Variants in SCN1A observed in about 807,000 individuals in gnomAD.
SCN1A encodes the protein sodium channel protein type 1 subunit alpha.
Under a neutral mutation model 193.7 loss-of-function variants are expected in SCN1A, and 13 were observed. The observed-to-expected ratio is 0.07, with a 90% confidence interval of 0.04 to 0.11. The LOEUF (loss-of-function observed/expected upper bound fraction) is 0.11. SCN1A is among the 10% of genes least tolerant of loss of function. SCN1A has a pLI of 1.00. For synonymous variants in SCN1A, 781 were observed against 843.6 expected (o/e 0.93, Z 1.29); for missense variants, 1,432 against 2,451.1 (o/e 0.58, Z 8.78).
intron 18 of SCN1A, among the ~76,000 whole-genome samples, chr2:166,037,362 G>A (rs1029814240): frequency 1.3e-5 from 2 of 152,120 alleles, no homozygotes; most frequent in Non-Finnish European, 2.9e-5. Flanking sequence ...AGTCTGGATG[G>A]TAATTTTGCA....
At position 166,045,097 on chromosome 2, in the gene SCN1A, G is replaced by A. The variant is rs1351109657; in HGVS notation, c.1608C>T (p.Phe536=). Residue 536 remains phenylalanine, a synonymous_variant, in exon 13 of 29, where the codon TTC becomes TTT. Transcript: ENST00000674923. ...ATGTCAATCGGTTCCCTTCAATGGA[G>A]AAGCGAAAACCTTTCCTCCTGATGC... ...EDSIRRKGFR[F]SIEGNRLTYE... 2 of 1,614,078 alleles carry A rather than the reference G, an allele frequency of 1.2e-6. No homozygotes were observed. The highest frequency in any genetic ancestry group is 3.3e-5 in the Admixed American group (2 of 60,006).
intron 1 of SCN1A, among the ~76,000 whole-genome samples, chr2:166,146,296 G>A (rs1035577544): frequency 6.6e-6 from 1 of 152,084 alleles, no homozygotes; most frequent in African/African-American, 2.4e-5. Flanking sequence ...GTGCAAACAG[G>A]TCCCACCTTA....
intron 19 of SCN1A, among the ~76,000 whole-genome samples, chr2:166,033,622 A>G (rs1038153809): frequency 6.6e-6 from 1 of 152,228 alleles, no homozygotes; most frequent in Non-Finnish European, 1.5e-5. Context: ...CTTAACATTT[A>G]AAATTTCAAT....
chr2:166,031,858 G>A (rs76251066), intron 19 of SCN1A, among the ~76,000 whole-genome samples: 5,010 of 152,170 alleles, frequency 0.033, 119 homozygotes, highest in Non-Finnish European at 0.05. Flanking sequence ...TATTAGATAG[G>A]TAAAGTCACA....
chr2:166,008,516 G>A (rs867347126), intron 23 of SCN1A, among the ~76,000 whole-genome samples: 1 of 150,998 alleles, frequency 6.6e-6, no homozygotes, highest in Non-Finnish European at 1.5e-5. Flanking sequence ...ACACCCCAGA[G>A]ATAATTTCTG....
Position 166,012,497 on chromosome 2 carries a change from A to G in SCN1A, c.3706-215T>C, listed in dbSNP as rs371474814. Among the ~76,000 whole-genome samples the G allele has an allele frequency of 7.3e-5, 11 of 151,138 alleles. No homozygotes were observed. The Middle Eastern group carries it at 0.01, about 140-fold the overall frequency. ...GAAGAAAAAGAAAAGTATGATTCCAATGAATTAATTTGACTTAGTCAGGAA... is the reference window on the plus strand; with the variant it reads ...GAAGAAAAAGAAAAGTATGATTCCAGTGAATTAATTTGACTTAGTCAGGAA... On this transcript the variant is annotated intron_variant, in intron 21 of 28. Coordinates refer to ENST00000674923, the MANE Select transcript of SCN1A (RefSeq NM_001165963.4).
intron 6 of SCN1A, 90 bp from the exon 7 acceptor site, chr2:166,054,856 A>C: frequency 8.4e-7 from 1 of 1,191,884 alleles, no homozygotes; most frequent in Non-Finnish European, 1.2e-6. Flanking sequence ...GGAATAGATA[A>C]ATACTAAAAA....
intron 4 of SCN1A, among the ~76,000 whole-genome samples, chr2:166,068,661 T>G (rs1381105): frequency 0.4 from 60,597 of 152,046 alleles, 12,622 homozygotes; most frequent in East Asian, 0.71. Context: ...AAAAACTCCT[T>G]TGGCAGTGAT....
At chr2:166,129,867 TA>T (rs1177909352), upstream of SCN1A, among the ~76,000 whole-genome samples, 1 of 152,130 alleles carries the variant, frequency 6.6e-6, no homozygotes, top group East Asian at 1.9e-4. Context: ...TCCTTAGTGG[TA>T]AACCTACCCT....
At chr2:166,064,095 C>A (rs1390928890) in intron 4 of SCN1A, among the ~76,000 whole-genome samples, 1 of 152,082 alleles carries the variant, frequency 6.6e-6, no homozygotes, top group Admixed American at 6.6e-5. Flanking sequence ...ATCTGGGAAG[C>A]AACATTATGA....
chr2:166,024,489 GT>G (rs1157885912), intron 19 of SCN1A, among the ~76,000 whole-genome samples: 5 of 152,038 alleles, frequency 3.3e-5, no homozygotes, highest in African/African-American at 1.2e-4. Flanking sequence ...CTGGGTTTTT[GT>G]TTTGTTTTCC....
At chr2:166,026,287 C>G (rs951069397) in intron 19 of SCN1A, among the ~76,000 whole-genome samples, 4 of 151,962 alleles carry the variant, frequency 2.6e-5, no homozygotes, top group Admixed American at 2.6e-4. Context: ...ACCTTCATAA[C>G]CAGTATATTT....
intron 2 of SCN1A, among the ~76,000 whole-genome samples, chr2:166,078,920 T>C (rs1351259785): frequency 6.6e-6 from 1 of 151,716 alleles, no homozygotes; most frequent in East Asian, 1.9e-4. Context: ...AGATTTTCCT[T>C]CTAAGTTTTA....
intron 4 of SCN1A, 165 bp downstream of exon 4, chr2:166,073,193 A>G: frequency 1.3e-6 from 1 of 749,176 alleles, no homozygotes; most frequent in Non-Finnish European, 2.1e-6. Context: ...GATATAATCA[A>G]TTCATTTCTC....
intron 2 of SCN1A, among the ~76,000 whole-genome samples, chr2:166,125,486 C>A (rs546827903): frequency 6.6e-6 from 1 of 152,160 alleles, no homozygotes; most frequent in African/African-American, 2.4e-5. Context: ...TGGTTGGTGA[C>A]GTCCTAGAGG....
At chr2:165,995,398 A>G (rs1559113235) in intron 27 of SCN1A, among the ~76,000 whole-genome samples, 1 of 151,722 alleles carries the variant, frequency 6.6e-6, no homozygotes, top group Non-Finnish European at 1.5e-5. Flanking sequence ...TTTCATAGCA[A>G]TTTGTTTATT....
chr2:166,045,390 G>A (rs1325316571), intron 12 of SCN1A, 63 bp from the exon 13 acceptor site: 1 of 1,537,854 alleles, frequency 6.5e-7, no homozygotes, highest in Non-Finnish European at 9.0e-7. Context: ...CTTTGAAAGG[G>A]CTGAAGTATT....
rs919025178 is a variant in SCN1A at position 165,988,767 on chromosome 2, A to G, written c.*2478T>C. 2.6e-5 allele frequency: 4 copies of G among 152,142 alleles called. No individual in the cohort carries two copies. Among genetic ancestry groups the G allele is most frequent in the African/African-American group, 9.7e-5 (4 of 41,410 alleles). The allele number at this position is 152,142 out of a possible 1,614,324, so 9.4% of individuals were successfully genotyped here. A position where few individuals can be genotyped will look rare whatever the true frequency, so the allele number is the denominator to read the frequency against. On this transcript the variant is annotated 3_prime_UTR_variant, in exon 29 of 29. Transcript: ENST00000674923. ...GAAGCAGAGAGAGTGGCTCTGGAGG[A>G]GCAAACACAGTATCCTACACACATG... is the stretch of plus-strand genomic sequence containing the variant.
intron 20 of SCN1A, 148 bp from the exon 21 acceptor site, chr2:166,014,046 C>A: frequency 1.1e-6 from 1 of 929,842 alleles, no homozygotes; most frequent in Admixed American, 2.0e-5. Context: ...AGAGCACATT[C>A]ATCAGCTGTG....
Sources: allele counts gnomAD v4.1 joint callset (sites outside exome capture counted in the v4.1 genomes callset), GRCh38; gene constraint gnomAD v4.1.1; transcripts MANE v1.5; gene names NCBI Gene and HGNC (gene_info 2026-07-23, HGNC 2026-07-21).